Variants in KSR1 observed in about 807,000 individuals in gnomAD.
KSR1 encodes the protein kinase suppressor of ras 1.
Under a neutral mutation model 92.9 loss-of-function variants are expected in KSR1, and 35 were observed. The ratio of observed to expected loss-of-function variants is 0.38; its 90% CI spans 0.29 to 0.50. The LOEUF is 0.50. Ranked by LOEUF, KSR1 falls within the 20% of genes least tolerant of loss-of-function variation. The pLI, the probability that KSR1 is intolerant of heterozygous loss-of-function variation, is 0.94. For missense variants in KSR1, 972 were observed against 1,158.5 expected (o/e 0.84, Z 2.34); for synonymous variants, 467 against 472.6 (o/e 0.99, Z 0.15).
chr17:27,506,432 T>C (rs1191460023), intron 1 of KSR1, among the ~76,000 whole-genome samples: 1 of 152,240 alleles, frequency 6.6e-6, no homozygotes, highest in East Asian at 1.9e-4. Context: ...TTATTATTAG[T>C]TGTAGATGTT....
At chr17:27,550,420 C>G in intron 1 of KSR1, 148 bp from the exon 2 acceptor site, 1 of 667,646 alleles carries the variant, frequency 1.5e-6, no homozygotes, top group Admixed American at 2.1e-5. Context: ...CACCCTTTCC[C>G]CTCCCCTGCA....
chr17:27,476,433 G>A (rs2068348963), intron 1 of KSR1, among the ~76,000 whole-genome samples: 3 of 152,192 alleles, frequency 2.0e-5, no homozygotes, highest in Admixed American at 6.5e-5. Flanking sequence ...GCTGGGACTT[G>A]AGCAGTGCTG....
At chr17:27,467,871 C>T (rs62057777) in intron 1 of KSR1, among the ~76,000 whole-genome samples, 4,729 of 148,858 alleles carry the variant, frequency 0.032, 96 homozygotes, top group Non-Finnish European at 0.053. Context: ...AGTTCCGTGG[C>T]GCAATCGTGG....
In KSR1 at chr17:27,532,751, T is replaced by A. The variant is rs541341449; in HGVS notation, c.232-17817T>A. Reference sequence around the variant, plus strand: ...ACAGGCTTTCTGGAAGGTTCTGGCCTCCTTCTGATCAGGTGGCAGAGCATC... The same window carrying A: ...ACAGGCTTTCTGGAAGGTTCTGGCCACCTTCTGATCAGGTGGCAGAGCATC... On this transcript the variant is annotated intron_variant, in intron 1 of 20. Transcript: ENST00000644974. Among the ~76,000 whole-genome samples, 11 of 152,292 alleles carry A rather than the reference T, an allele frequency of 7.2e-5. No individual in the cohort carries two copies. The East Asian group carries it at 1.9e-3, about 27-fold the overall frequency.
intron 5 of KSR1, chr17:27,585,970 A>C: frequency 2.3e-6 from 1 of 436,190 alleles, no homozygotes; most frequent in Non-Finnish European, 4.2e-6. Context: ...ACTCTCCAGC[A>C]GGGACTCTGG....
chr17:27,622,728 G>A (rs1400011469), intron 20 of KSR1: 1 of 158,468 alleles, frequency 6.3e-6, no homozygotes, highest in Non-Finnish European at 1.4e-5. Context: ...CCATAGACCA[G>A]ACCCCAGGTC....
At chr17:27,507,442 A>T (rs1326807633) in intron 1 of KSR1, among the ~76,000 whole-genome samples, 5 of 151,858 alleles carry the variant, frequency 3.3e-5, no homozygotes, top group African/African-American at 4.8e-5. Context: ...CGAAGGAAAA[A>T]ATATATATAT....
chr17:27,494,799 T>A, intron 1 of KSR1, among the ~76,000 whole-genome samples: 1 of 152,334 alleles, frequency 6.6e-6, no homozygotes, highest in Middle Eastern at 3.4e-3. Context: ...GAGAGTGCCA[T>A]TGGGCGGTGT....
rs146861915 is a variant in KSR1 at position 27,542,019 on chromosome 17, G to T, written c.232-8549G>T. On this transcript the variant is annotated intron_variant, in intron 1 of 20. Coordinates refer to ENST00000644974, the MANE Select transcript of KSR1 (RefSeq NM_001394583.1). The stretch of plus-strand genomic sequence containing the variant: ...TACATCCCATCAGAAGTCTGGAAGG[G>T]TCTGTAGTATTTTCAGTTACACATG... Among the ~76,000 whole-genome samples the T allele has an allele frequency of 1.8e-3, 280 of 152,308 alleles. 1 individual carries two copies. The highest frequency in any genetic ancestry group is 6.4e-3 in the African/African-American group (268 of 41,560).
intron 5 of KSR1, chr17:27,587,647 G>A (rs963254013): frequency 1.3e-5 from 2 of 152,386 alleles, no homozygotes; most frequent in Admixed American, 6.5e-5. Flanking sequence ...GGCTGGCTCT[G>A]GGAGGCAATG....
intron 1 of KSR1, among the ~76,000 whole-genome samples, chr17:27,531,775 C>T (rs2070547798): frequency 6.6e-6 from 1 of 152,228 alleles, no homozygotes; most frequent in Admixed American, 6.5e-5. Flanking sequence ...AGGTTCACCT[C>T]CCACCCTGGA....
intron 1 of KSR1, among the ~76,000 whole-genome samples, chr17:27,523,676 G>A (rs75607691): frequency 0.09 from 13,630 of 152,202 alleles, 815 homozygotes; most frequent in Admixed American, 0.19. Context: ...ACCCAATGTC[G>A]GTGTGGTGGG....
At chr17:27,609,129 TCATC>T in intron 15 of KSR1, 63 bp from the exon 16 acceptor site, 1 of 1,527,552 alleles carries the variant, frequency 6.5e-7, no homozygotes. Context: ...TTTAGGTAAA[TCATC>T]CAGCCCAGGG....
At chr17:27,596,569 A>G (rs569247959) in intron 9 of KSR1, among the ~76,000 whole-genome samples, 7 of 152,210 alleles carry the variant, frequency 4.6e-5, no homozygotes, top group Non-Finnish European at 7.3e-5. Context: ...TCTTCTAGAA[A>G]GTTCTTTCTA....
At chr17:27,462,053 G>T (rs1392806723) in intron 1 of KSR1, among the ~76,000 whole-genome samples, 1 of 152,204 alleles carries the variant, frequency 6.6e-6, no homozygotes, top group Non-Finnish European at 1.5e-5. Context: ...AAGCTGCATA[G>T]GTGCCTTTGG....
At chr17:27,612,799 C>T (rs973086375) in intron 18 of KSR1, 3 of 152,278 alleles carry the variant, frequency 2.0e-5, no homozygotes, top group African/African-American at 7.2e-5. Context: ...AAGATACAAA[C>T]AGGCTGTGAG....
chr17:27,555,537 TAGCACTTCC>T lies in KSR1; in HGVS notation c.372+4830_372+4838del, dbSNP rs1157041780. 4.5e-4 allele frequency among the ~76,000 whole-genome samples: 66 copies of T among 147,554 alleles called. 1 individual carries two copies. Among genetic ancestry groups the T allele is most frequent in the African/African-American group, 1.3e-3 (53 of 39,962 alleles). On this transcript the variant is annotated intron_variant, in intron 2 of 20. Coordinates refer to ENST00000644974, the MANE Select transcript of KSR1 (RefSeq NM_001394583.1). ...GTGTGTGTGTGTGTGTGTGTGTGTG[TAGCACTTCC>T]GTGTGTAGCACTTCCTTTGCTTTCT...
chr17:27,530,410 A>G (rs1174332692), intron 1 of KSR1, among the ~76,000 whole-genome samples: 1 of 150,838 alleles, frequency 6.6e-6, no homozygotes, highest in Non-Finnish European at 1.5e-5. Context: ...ACACCACCGC[A>G]CTCCAGCCTA....
Position 27,523,810 on chromosome 17 carries a change from A to G in KSR1, c.232-26758A>G, listed in dbSNP as rs180971389. 4.9e-3 allele frequency among the ~76,000 whole-genome samples: 741 copies of G among 152,314 alleles called. 5 individuals carry two copies. Among genetic ancestry groups the G allele is most frequent in the African/African-American group, 0.017 (719 of 41,566 alleles). On this transcript the variant is annotated intron_variant, in intron 1 of 20. Transcript: ENST00000644974. ...ATCAGCTTTCCAGGGAGCAGGATGA[A>G]TGAACTGGAGAAGGATGTGTCATGT...
Sources: gnomAD v4.1 joint callset for allele counts (sites outside exome capture counted in the v4.1 genomes callset) on GRCh38, gnomAD v4.1.1 for gene constraint, MANE v1.5 for transcripts, NCBI Gene and HGNC (gene_info 2026-07-23, HGNC 2026-07-21) for gene names.